The following ADGRL2 variants were observed in gnomAD, a reference collection of about 807,000 sequenced individuals.
ADGRL2 encodes calcium-independent alpha-latrotoxin receptor 2.
ADGRL2 carries 44 observed loss-of-function variants against 157.4 expected under a neutral mutation model. That is an observed-to-expected ratio of 0.28 (90% CI 0.22 to 0.36). The LOEUF is 0.36. Among genes scored for constraint, ADGRL2 ranks in the 10% least tolerant of loss-of-function variants. ADGRL2 has a pLI of 1.00. For missense variants in ADGRL2, 1,510 were observed against 1,768.9 expected, an observed-to-expected ratio of 0.85 and a Z score of 2.63; for synonymous variants, 585 against 624.7, an observed-to-expected ratio of 0.94 and a Z score of 0.95.
intron 1 of ADGRL2, among the ~76,000 whole-genome samples, chr1:81,422,179 T>G (rs917821793): frequency 4.5e-4 from 32 of 70,550 alleles, no homozygotes; most frequent in Non-Finnish European, 4.6e-4. Context: ...TTTACATCTC[T>G]CAAACTTCTT....
chr1:81,916,377 T>C (rs1357622948), intron 3 of ADGRL2, among the ~76,000 whole-genome samples: 1 of 152,174 alleles, frequency 6.6e-6, no homozygotes, highest in Non-Finnish European at 1.5e-5. Context: ...CAGATAAGAA[T>C]AGATGTTCAG....
intron 2 of ADGRL2, among the ~76,000 whole-genome samples, chr1:81,454,639 C>T (rs888100492): frequency 4.6e-5 from 7 of 152,128 alleles, no homozygotes; most frequent in Admixed American, 2.0e-4. Context: ...TTTAGCACTT[C>T]GTTGAAAAAC....
intron 2 of ADGRL2, among the ~76,000 whole-genome samples, chr1:81,770,153 C>CT (rs150798264): frequency 0.012 from 724 of 59,608 alleles, 75 homozygotes; most frequent in African/African-American, 0.024. Context: ...CTGCACCCAG[C>CT]TTTTTTTTTT....
At chr1:81,967,942 A>C (rs1193129556) in intron 13 of ADGRL2, 84 bp from the exon 14 acceptor site, 2 of 1,140,574 alleles carry the variant, frequency 1.8e-6, no homozygotes, top group Non-Finnish European at 2.6e-6. Flanking sequence ...TTTAATCTAA[A>C]TTACCTTTTA....
chr1:81,735,871 G>C (rs543993203), intron 1 of ADGRL2, among the ~76,000 whole-genome samples: 1 of 150,858 alleles, frequency 6.6e-6, no homozygotes, highest in Non-Finnish European at 1.5e-5. Flanking sequence ...ACGGCTGGGC[G>C]CGGTGGCTTA....
chr1:81,661,552 T>G lies in ADGRL2; in HGVS notation c.-143+80572T>G, dbSNP rs190255967. On this transcript the variant is annotated intron_variant, in intron 3 of 24. Transcript: ENST00000370721. ...CAACGACATGCTTTCTAGGGCTAGGTAATCAACTGTGTGGTCAAAACTTTT... is the reference window on the plus strand; with the variant it reads ...CAACGACATGCTTTCTAGGGCTAGGGAATCAACTGTGTGGTCAAAACTTTT... 3.2e-4 allele frequency among the ~76,000 whole-genome samples: 48 copies of G among 152,322 alleles called. 1 individual carries two copies. In the East Asian group the frequency reaches 8.3e-3, roughly 26 times the overall value.
At chr1:81,814,189 C>T (rs2090157096) in intron 1 of ADGRL2, among the ~76,000 whole-genome samples, 1 of 151,494 alleles carries the variant, frequency 6.6e-6, no homozygotes. Flanking sequence ...ATCACATATT[C>T]TTGAATTAAT....
At chr1:81,314,958 A>C (rs1385624347) in intron 1 of ADGRL2, among the ~76,000 whole-genome samples, 1 of 152,204 alleles carries the variant, frequency 6.6e-6, no homozygotes, top group African/African-American at 2.4e-5. Flanking sequence ...GAAAATATAA[A>C]CAGCATTTGG....
At chr1:81,440,227 C>T (rs149223764) in intron 1 of ADGRL2, among the ~76,000 whole-genome samples, 1 of 152,200 alleles carries the variant, frequency 6.6e-6, no homozygotes, top group Non-Finnish European at 1.5e-5. Context: ...TGTAGCTTGG[C>T]TTTCAGGCTT....
chr1:81,954,845 C>T (rs1382915531), intron 10 of ADGRL2, among the ~76,000 whole-genome samples: 3 of 152,284 alleles, frequency 2.0e-5, no homozygotes, highest in Non-Finnish European at 2.9e-5. Flanking sequence ...TAGTACCTCA[C>T]GCTAGCAATT....
At chr1:81,776,022 A>G (rs1361797107) in intron 2 of ADGRL2, among the ~76,000 whole-genome samples, 3 of 152,096 alleles carry the variant, frequency 2.0e-5, no homozygotes, top group Non-Finnish European at 4.4e-5. Flanking sequence ...CTTTCAGATT[A>G]TAATCTTGAC....
intron 2 of ADGRL2, among the ~76,000 whole-genome samples, chr1:81,565,056 C>G (rs183651678): frequency 6.6e-6 from 1 of 152,130 alleles, no homozygotes; most frequent in African/African-American, 2.4e-5. Context: ...ATATAAATAA[C>G]TATTTTTATA....
chr1:81,676,845 C>T (rs1193540061), intron 3 of ADGRL2, among the ~76,000 whole-genome samples: 4 of 151,822 alleles, frequency 2.6e-5, no homozygotes, highest in Admixed American at 2.0e-4. Flanking sequence ...CGCCACCACA[C>T]CTGGCTAATT....
chr1:81,687,852 C>T (rs376211015), intron 3 of ADGRL2, among the ~76,000 whole-genome samples: 163 of 152,250 alleles, frequency 1.1e-3, no homozygotes, highest in African/African-American at 3.7e-3. Flanking sequence ...GCAGTTCTTG[C>T]AGTGGTGGCT....
intron 16 of ADGRL2, among the ~76,000 whole-genome samples, chr1:81,970,810 T>G (rs1447078426): frequency 6.6e-6 from 1 of 152,152 alleles, no homozygotes. Context: ...CTTTTTGGCC[T>G]TAGAAAGATA....
At chr1:81,633,522 G>A (rs1046825448) in intron 3 of ADGRL2, among the ~76,000 whole-genome samples, 3 of 147,472 alleles carry the variant, frequency 2.0e-5, no homozygotes, top group South Asian at 2.1e-4. Context: ...CTTGAACTGG[G>A]GAAGGGGAGG....
chr1:81,742,114 T>C (rs9729119), intron 1 of ADGRL2, among the ~76,000 whole-genome samples: 404 of 152,160 alleles, frequency 2.7e-3, no homozygotes, highest in African/African-American at 9.3e-3. Context: ...AATCCTGTTT[T>C]AGCTTCAATC....
At chr1:81,533,707 A>G (rs2079661502) in intron 2 of ADGRL2, among the ~76,000 whole-genome samples, 1 of 152,202 alleles carries the variant, frequency 6.6e-6, no homozygotes, top group African/African-American at 2.4e-5. Flanking sequence ...ATAGTCTTAC[A>G]AATGTGTGTA....
chr1:81,901,584 T>TATA (rs200163797), intron 2 of ADGRL2, among the ~76,000 whole-genome samples: 16 of 150,392 alleles, frequency 1.1e-4, no homozygotes, highest in Admixed American at 3.3e-4. Context: ...ATATATATAT[T>TATA]TTTTTTTTTG....
Sources: gnomAD v4.1 joint callset for allele counts (sites outside exome capture counted in the v4.1 genomes callset) on GRCh38, gnomAD v4.1.1 for gene constraint, MANE v1.5 for transcripts, NCBI Gene and HGNC (gene_info 2026-07-23, HGNC 2026-07-21) for gene names.